Variants in TFEC observed in about 807,000 individuals in gnomAD.
The protein encoded by TFEC is class E basic helix-loop-helix protein 34.
A neutral mutation model predicts 41.6 loss-of-function variants in TFEC; 31 were observed. The observed-to-expected ratio is 0.74, with a 90% confidence interval of 0.56 to 1.01. The LOEUF is 1.01. Ranked by LOEUF, TFEC falls within the 50% of genes least tolerant of loss-of-function variation. The pLI, the probability that TFEC is intolerant of heterozygous loss-of-function variation, is 0.00. For synonymous variants in TFEC, 143 were observed against 140.6 expected, an observed-to-expected ratio of 1.02 and a Z score of -0.12; for missense variants, 402 against 404.1, an observed-to-expected ratio of 0.99 and a Z score of 0.04.
chr7:116,060,243 AAC>A (rs1393694789), intron 3 of TFEC, among the ~76,000 whole-genome samples: 2 of 152,168 alleles, frequency 1.3e-5, no homozygotes, highest in East Asian at 3.8e-4. Context: ...TTGCAAAGAA[AAC>A]ACTCATACAC....
At chr7:116,103,777 T>C (rs1797657236) in intron 3 of TFEC, among the ~76,000 whole-genome samples, 1 of 152,074 alleles carries the variant, frequency 6.6e-6, no homozygotes, top group Admixed American at 6.6e-5. Context: ...CCACTGAAAA[T>C]TAGCAAAACA....
chr7:116,033,556 T>C (rs79096628), upstream of TFEC, among the ~76,000 whole-genome samples: 1,755 of 152,228 alleles, frequency 0.012, 29 homozygotes, highest in African/African-American at 0.04. Flanking sequence ...CCATCCTCCA[T>C]GTCTATCCAC....
intron 3 of TFEC, among the ~76,000 whole-genome samples, chr7:116,090,740 T>C (rs374226817): frequency 6.6e-6 from 1 of 152,106 alleles, no homozygotes; most frequent in African/African-American, 2.4e-5. Flanking sequence ...TAATAAGACA[T>C]AGATACTTTG....
intron 1 of TFEC, among the ~76,000 whole-genome samples, chr7:116,148,712 C>T (rs188049571): frequency 5.8e-4 from 89 of 152,226 alleles, no homozygotes; most frequent in Non-Finnish European, 1.0e-3. Context: ...CAATTTTCTT[C>T]GGGAATGTTG....
intron 3 of TFEC, among the ~76,000 whole-genome samples, chr7:116,038,572 T>C (rs893751037): frequency 1.3e-5 from 2 of 152,042 alleles, no homozygotes; most frequent in Non-Finnish European, 2.9e-5. Flanking sequence ...AAATATTTCA[T>C]GGAGGCTACC....
intron 1 of TFEC, among the ~76,000 whole-genome samples, chr7:116,153,160 C>A (rs1003312212): frequency 1.2e-4 from 19 of 152,134 alleles, no homozygotes; most frequent in Admixed American, 2.0e-4. Context: ...GCAGGAAATA[C>A]CAACAGGCTG....
chr7:116,119,383 AT>A (rs2116191869), intron 1 of TFEC, among the ~76,000 whole-genome samples: 1 of 152,014 alleles, frequency 6.6e-6, no homozygotes, highest in Non-Finnish European at 1.5e-5. Context: ...ATTAAAATTA[AT>A]TTTAAAATAT....
intron 2 of TFEC, among the ~76,000 whole-genome samples, chr7:116,111,495 A>T (rs1316171623): frequency 6.6e-6 from 1 of 152,094 alleles, no homozygotes; most frequent in Non-Finnish European, 1.5e-5. Context: ...TAAATGAGAA[A>T]CAAACACAAA....
chr7:116,055,940 C>T (rs1796419390), intron 3 of TFEC, among the ~76,000 whole-genome samples: 1 of 151,826 alleles, frequency 6.6e-6, no homozygotes, highest in South Asian at 2.1e-4. Context: ...TTATAATTAA[C>T]AGCTCTTAGA....
intron 1 of TFEC, among the ~76,000 whole-genome samples, chr7:115,986,858 T>C (rs1453086158): frequency 6.6e-6 from 1 of 151,968 alleles, no homozygotes; most frequent in East Asian, 1.9e-4. Flanking sequence ...TGTATACATA[T>C]GTAACAAACC....
intron 3 of TFEC, among the ~76,000 whole-genome samples, chr7:116,050,723 G>A (rs1226450857): frequency 2.0e-5 from 3 of 152,210 alleles, no homozygotes; most frequent in Non-Finnish European, 2.9e-5. Flanking sequence ...TTCAACCATT[G>A]TGGAAGACAG....
At chr7:116,008,599 C>T (rs901241259) in intron 1 of TFEC, among the ~76,000 whole-genome samples, 1 of 152,094 alleles carries the variant, frequency 6.6e-6, no homozygotes, top group Non-Finnish European at 1.5e-5. Flanking sequence ...CTACTACCTC[C>T]TAGGTACCAA....
intron 1 of TFEC, among the ~76,000 whole-genome samples, chr7:116,113,116 AAT>A (rs1797894432): frequency 6.6e-6 from 1 of 151,934 alleles, no homozygotes; most frequent in African/African-American, 2.4e-5. Flanking sequence ...CTCTTACTTT[AAT>A]GATTTTTCCT....
chr7:116,004,974 G>T (rs140278340), intron 1 of TFEC, among the ~76,000 whole-genome samples: 1 of 152,042 alleles, frequency 6.6e-6, no homozygotes, highest in East Asian at 1.9e-4. Context: ...GAGACCTGAC[G>T]GTTTCATAAG....
At chr7:116,118,255 G>A (rs910190936) in intron 1 of TFEC, among the ~76,000 whole-genome samples, 13 of 151,844 alleles carry the variant, frequency 8.6e-5, no homozygotes, top group Admixed American at 2.6e-4. Context: ...AAGAAAAACC[G>A]TTTTCAACAT....
At chr7:116,010,247 A>T (rs1794950057) in intron 1 of TFEC, among the ~76,000 whole-genome samples, 1 of 152,162 alleles carries the variant, frequency 6.6e-6, no homozygotes. Context: ...GGAGGGGCAA[A>T]TAAAAGTTTA....
chr7:116,136,597 A>C (rs1217376706), intron 1 of TFEC, among the ~76,000 whole-genome samples: 2 of 151,924 alleles, frequency 1.3e-5, no homozygotes, highest in African/African-American at 4.8e-5. Flanking sequence ...GTATGTTTTC[A>C]ATCTCAATAG....
chr7:116,111,844 T>C (rs1173378661), intron 2 of TFEC: 5 of 245,658 alleles, frequency 2.0e-5, no homozygotes, highest in Non-Finnish European at 2.6e-5. Flanking sequence ...CTGTAAGTTA[T>C]ATTTTTAAAT....
At chr7:116,092,402 G>T (rs1797349459) in intron 3 of TFEC, among the ~76,000 whole-genome samples, 1 of 152,062 alleles carries the variant, frequency 6.6e-6, no homozygotes, top group African/African-American at 2.4e-5. Flanking sequence ...GACTTAAATA[G>T]ACAAAAATCT....
Sources: allele counts gnomAD v4.1 joint callset (sites outside exome capture counted in the v4.1 genomes callset), GRCh38; gene constraint gnomAD v4.1.1; transcripts MANE v1.5; gene names NCBI Gene and HGNC (gene_info 2026-07-23, HGNC 2026-07-21).